The following GRIA2 variants were observed in gnomAD, a reference collection of about 807,000 sequenced individuals.
The protein encoded by GRIA2 is glutamate receptor 2.
GRIA2 carries 14 observed loss-of-function variants against 97.3 expected under a neutral mutation model. The observed-to-expected ratio is 0.14, with a 90% CI of 0.10 to 0.23. The LOEUF is 0.23. Ranked by LOEUF, GRIA2 falls within the 10% of genes least tolerant of loss-of-function variation. The pLI, the probability that GRIA2 is intolerant of heterozygous loss-of-function variation, is 1.00. For synonymous variants in GRIA2, 412 were observed against 387.8 expected (o/e 1.06, Z -0.73); for missense variants, 558 against 1,069.8 (o/e 0.52, Z 6.67).
At chr4:157,299,308 G>T (rs965782802) in intron 2 of GRIA2, among the ~76,000 whole-genome samples, 2 of 152,048 alleles carry the variant, frequency 1.3e-5, no homozygotes, top group Non-Finnish European at 2.9e-5. Flanking sequence ...ACAAGTTTAG[G>T]AGAGAAGGAG....
chr4:157,248,838 TA>T (rs1191369649), intron 2 of GRIA2, among the ~76,000 whole-genome samples: 9 of 146,128 alleles, frequency 6.2e-5, no homozygotes, highest in South Asian at 2.2e-4. Flanking sequence ...TTTTTTTATT[TA>T]AAAAAATATG....
intron 2 of GRIA2, among the ~76,000 whole-genome samples, chr4:157,257,670 G>T (rs529878275): frequency 3.9e-5 from 6 of 152,064 alleles, no homozygotes; most frequent in South Asian, 2.1e-4. Flanking sequence ...TTTATTAAAA[G>T]AATTTTTATG....
Position 157,239,248 on chromosome 4 carries a change from A to G in GRIA2, c.229+17441A>G, listed in dbSNP as rs539097137. 5.3e-4 allele frequency among the ~76,000 whole-genome samples: 80 copies of G among 152,234 alleles called. 2 individuals are homozygous for G. In the South Asian group the frequency reaches 0.016, roughly 30 times the overall value. ...GTATTGGTGAATATTAATAATGCCTATAATATATGACACTCCTTTGCTAAT... is the reference window on the plus strand; with the variant it reads ...GTATTGGTGAATATTAATAATGCCTGTAATATATGACACTCCTTTGCTAAT... On this transcript the variant is annotated intron_variant, in intron 2 of 15. Coordinates refer to ENST00000264426, the MANE Select transcript of GRIA2 (RefSeq NM_001083619.3).
chr4:157,239,287 AT>A (rs1220651980), intron 2 of GRIA2, among the ~76,000 whole-genome samples: 1 of 152,076 alleles, frequency 6.6e-6, no homozygotes, highest in African/African-American at 2.4e-5. Context: ...AACGTATTTA[AT>A]TCTTTTCCAT....
chr4:157,291,090 C>T (rs777469437), intron 2 of GRIA2, among the ~76,000 whole-genome samples: 1 of 151,930 alleles, frequency 6.6e-6, no homozygotes, highest in Non-Finnish European at 1.5e-5. Context: ...CGGTGAAGCA[C>T]ATTATTAATA....
chr4:157,282,769 G>A (rs1732664980), intron 2 of GRIA2, among the ~76,000 whole-genome samples: 1 of 152,096 alleles, frequency 6.6e-6, no homozygotes, highest in Non-Finnish European at 1.5e-5. Flanking sequence ...ATATGCCTGT[G>A]TAGGAACATC....
In GRIA2 at chr4:157,365,913, A is replaced by G. The variant is rs765039520; in HGVS notation, c.*2482A>G. 6.6e-5 allele frequency: 10 copies of G among 151,824 alleles called. 1 individual carries two copies. Among genetic ancestry groups the G allele is most frequent in the Non-Finnish European group, 1.3e-4 (9 of 67,536 alleles). 9.4% of individuals were successfully genotyped at this position (151,824 alleles called of 1,614,324 possible). On this transcript the variant is annotated 3_prime_UTR_variant, in exon 16 of 16. Coordinates refer to ENST00000264426, the MANE Select transcript of GRIA2 (RefSeq NM_001083619.3). Reference sequence around the variant, plus strand: ...GGTGTCAAACTCCAAGAAGACATACACTTTCTATAACTTCTATTGAAGATA... The same window carrying G: ...GGTGTCAAACTCCAAGAAGACATACGCTTTCTATAACTTCTATTGAAGATA...
intron 2 of GRIA2, among the ~76,000 whole-genome samples, chr4:157,233,610 T>C (rs1730118588): frequency 6.6e-6 from 1 of 152,088 alleles, no homozygotes; most frequent in African/African-American, 2.4e-5. Flanking sequence ...GATAATATTA[T>C]TGGAGGCATT....
chr4:157,295,473 T>G (rs1217552022), intron 2 of GRIA2, among the ~76,000 whole-genome samples: 1 of 152,130 alleles, frequency 6.6e-6, no homozygotes, highest in Non-Finnish European at 1.5e-5. Context: ...AATCACTTGG[T>G]GTTTCATTCA....
intron 2 of GRIA2, among the ~76,000 whole-genome samples, chr4:157,296,065 G>A (rs199871715): frequency 4.6e-5 from 7 of 152,156 alleles, no homozygotes; most frequent in East Asian, 3.9e-4. Flanking sequence ...TGCAGCTTGC[G>A]CTGTGTACTT....
chr4:157,312,863 C>T lies in GRIA2; in HGVS notation c.654C>T (p.Asp218=). Residue 218 remains aspartate, a synonymous_variant, in exon 4 of 16, where the codon GAC becomes GAT. Transcript: ENST00000264426. Reference sequence around the variant, plus strand: ...ACTGTGAAAGGGATAAAGTAAACGACATTGTAGACCAGGTTTGCTACTTTC... The same window carrying T: ...ACTGTGAAAGGGATAAAGTAAACGATATTGTAGACCAGGTTTGCTACTTTC... ...ILDCERDKVN[D]IVDQVITIGK... The T allele has an allele frequency of 6.3e-7, 1 of 1,578,942 alleles. No individual in the cohort carries two copies. The highest frequency in any genetic ancestry group is 1.2e-5 in the South Asian group (1 of 86,556).
chr4:157,337,488 C>A (rs1200529234), intron 11 of GRIA2, among the ~76,000 whole-genome samples: 1 of 151,894 alleles, frequency 6.6e-6, no homozygotes, highest in Non-Finnish European at 1.5e-5. Context: ...AGAATGATAG[C>A]CATGTTTGGC....
intron 12 of GRIA2, among the ~76,000 whole-genome samples, chr4:157,353,262 G>T (rs1396020277): frequency 1.3e-5 from 2 of 152,194 alleles, no homozygotes; most frequent in Non-Finnish European, 2.9e-5. Flanking sequence ...TGAGGCAGGA[G>T]AATAGCTTGA....
rs1736741028 is a variant in GRIA2 at position 157,363,633 on chromosome 4, GT to G, written c.*206del. On this transcript the variant is annotated 3_prime_UTR_variant, in exon 16 of 16. Transcript: ENST00000264426. The stretch of plus-strand genomic sequence containing the variant: ...AACCTTTTGAGTGCCTTACACAATG[GT>G]TTTCTTGTGTGTTTATTGTCAAAGT... 18 of 1,171,478 alleles carry G rather than the reference GT, an allele frequency of 1.5e-5. No homozygotes were observed. The highest frequency in any genetic ancestry group is 1.9e-5 in the Non-Finnish European group (18 of 931,000). The allele number at this position is 1,171,478 out of a possible 1,614,324, so 72.6% of individuals were successfully genotyped here. A position where few individuals can be genotyped will look rare whatever the true frequency, so the allele number is the denominator to read the frequency against.
chr4:157,231,604 G>A (rs1343857324), intron 2 of GRIA2, among the ~76,000 whole-genome samples: 1 of 152,098 alleles, frequency 6.6e-6, no homozygotes, highest in Non-Finnish European at 1.5e-5. Flanking sequence ...AAATTTTATA[G>A]GTAAAAATAT....
intron 11 of GRIA2, among the ~76,000 whole-genome samples, chr4:157,340,779 G>A (rs1002034464): frequency 1.3e-5 from 2 of 151,556 alleles, no homozygotes; most frequent in African/African-American, 4.8e-5. Flanking sequence ...GGCCTTTTTT[G>A]TTTTGGAAAT....
chr4:157,335,926 T>C (rs1460387448), intron 10 of GRIA2, 49 bp downstream of exon 10: 1 of 1,184,184 alleles, frequency 8.4e-7, no homozygotes, highest in African/African-American at 1.5e-5. Context: ...TGAATTGTTG[T>C]TGACAGACTG....
intron 2 of GRIA2, among the ~76,000 whole-genome samples, chr4:157,298,744 C>T (rs534796755): frequency 5.2e-4 from 78 of 149,410 alleles, no homozygotes; most frequent in African/African-American, 1.7e-3. Context: ...CCTGAATCAG[C>T]TCACAATACT....
Position 157,361,147 on chromosome 4 carries a change from A to C in GRIA2, c.2406+23A>C, listed in dbSNP as rs551257103. The C allele has an allele frequency of 1.3e-6, 2 of 1,532,426 alleles. No homozygotes were observed. Among genetic ancestry groups the C allele is most frequent in the African/African-American group, 2.7e-5 (2 of 73,406 alleles). 94.9% of individuals were successfully genotyped at this position (1,532,426 alleles called of 1,614,324 possible). On this transcript the variant is annotated intron_variant, in intron 14 of 15. Coordinates refer to ENST00000264426, the MANE Select transcript of GRIA2 (RefSeq NM_001083619.3). The surrounding 1 kb of genome is among the most constrained non-coding windows in gnomAD (Gnocchi z 5.2). ...AAGGTCAGCCCCAGTGAGAAAAGTA[A>C]TGGGTAACTCAATGCAAAACAAAGT...
Sources: gnomAD v4.1 joint callset for allele counts (sites outside exome capture counted in the v4.1 genomes callset) on GRCh38, gnomAD v4.1.1 for gene constraint, Gnocchi (gnomAD v3.1) non-coding constraint, MANE v1.5 for transcripts, NCBI Gene and HGNC (gene_info 2026-07-23, HGNC 2026-07-21) for gene names.